The following RNF150 variants were observed in gnomAD, a reference collection of about 807,000 sequenced individuals.
RNF150 encodes the protein ring finger protein 150.
RNF150 carries 24 observed loss-of-function variants against 39.3 expected under a neutral mutation model. The ratio of observed to expected loss-of-function variants is 0.61; its 90% CI spans 0.44 to 0.86. The LOEUF is 0.86. RNF150 is among the 40% of genes least tolerant of loss of function. The pLI is 0.00. For missense variants in RNF150, 502 were observed against 587.8 expected, an observed-to-expected ratio of 0.85 and a Z score of 1.51; for synonymous variants, 255 against 227.3, an observed-to-expected ratio of 1.12 and a Z score of -1.10.
At chr4:141,068,451 G>C (rs1348236108) in intron 1 of RNF150, among the ~76,000 whole-genome samples, 1 of 152,060 alleles carries the variant, frequency 6.6e-6, no homozygotes, top group Non-Finnish European at 1.5e-5. Flanking sequence ...ATGCTGTTTT[G>C]GTTACTGTAG....
At chr4:141,055,376 T>A (rs1198672132) in intron 1 of RNF150, among the ~76,000 whole-genome samples, 2 of 152,204 alleles carry the variant, frequency 1.3e-5, no homozygotes, top group East Asian at 3.8e-4. Context: ...AGCAAAGTGA[T>A]AAAATGATCC....
intron 1 of RNF150, among the ~76,000 whole-genome samples, chr4:141,054,371 T>C (rs557671956): frequency 1.3e-5 from 2 of 152,290 alleles, no homozygotes; most frequent in Admixed American, 6.5e-5. Context: ...CTATTTCCTG[T>C]AGATTAATTC....
chr4:140,916,457 G>A lies in RNF150; in HGVS notation c.988-5103C>T, dbSNP rs530997306. ...AGAAAGGGTATCAGCGATGGAAGACGAAATGAATGAAATGAAGCATGAAGA... is the reference window on the plus strand; with the variant it reads ...AGAAAGGGTATCAGCGATGGAAGACAAAATGAATGAAATGAAGCATGAAGA... On this transcript the variant is annotated intron_variant, in intron 5 of 6. Coordinates refer to ENST00000515673, the MANE Select transcript of RNF150 (RefSeq NM_020724.2). Among the ~76,000 whole-genome samples, 443 of 152,278 alleles carry A rather than the reference G, an allele frequency of 2.9e-3. 1 individual carries two copies. The highest frequency in any genetic ancestry group is 0.01 in the Middle Eastern group (3 of 294).
intron 1 of RNF150, among the ~76,000 whole-genome samples, chr4:141,189,262 C>T (rs1728065105): frequency 6.6e-6 from 1 of 152,178 alleles, no homozygotes; most frequent in Non-Finnish European, 1.5e-5. Flanking sequence ...CTGCTTCTTC[C>T]TCTGGAAGCT....
At chr4:141,065,489 CA>C (rs1170461133) in intron 1 of RNF150, among the ~76,000 whole-genome samples, 6 of 151,986 alleles carry the variant, frequency 3.9e-5, no homozygotes, top group Admixed American at 2.0e-4. Context: ...TGTTCTATAC[CA>C]GGGGTAACTG....
intron 1 of RNF150, among the ~76,000 whole-genome samples, chr4:141,128,312 C>T (rs1310051186): frequency 6.6e-6 from 1 of 152,212 alleles, no homozygotes; most frequent in Non-Finnish European, 1.5e-5. Context: ...ATGGTGTTAT[C>T]CTCCACTTCA....
intron 1 of RNF150, among the ~76,000 whole-genome samples, chr4:141,070,067 T>C (rs1336120293): frequency 6.6e-6 from 1 of 152,158 alleles, no homozygotes; most frequent in East Asian, 1.9e-4. Context: ...CCTTCAGTTC[T>C]GCTCTGCCAC....
At chr4:141,129,174 C>T (rs898688773) in intron 1 of RNF150, among the ~76,000 whole-genome samples, 1 of 152,146 alleles carries the variant, frequency 6.6e-6, no homozygotes, top group Non-Finnish European at 1.5e-5. Flanking sequence ...GTTCATAGCA[C>T]TATTTTTCAT....
At chr4:141,057,638 C>T (rs1397668961) in intron 1 of RNF150, among the ~76,000 whole-genome samples, 1 of 152,134 alleles carries the variant, frequency 6.6e-6, no homozygotes, top group Non-Finnish European at 1.5e-5. Flanking sequence ...GTGAGAAATA[C>T]ATACCCTACT....
intron 1 of RNF150, among the ~76,000 whole-genome samples, chr4:140,994,286 TAA>T (rs1734288059): frequency 6.6e-6 from 1 of 152,130 alleles, no homozygotes; most frequent in Non-Finnish European, 1.5e-5. Context: ...CTCTCCACAT[TAA>T]AAGTTACTAG....
chr4:141,031,430 T>G (rs940799037), intron 1 of RNF150, among the ~76,000 whole-genome samples: 5 of 151,964 alleles, frequency 3.3e-5, no homozygotes, highest in Admixed American at 1.3e-4. Flanking sequence ...AAAAAGCTTC[T>G]GTACAGCAAA....
intron 6 of RNF150, among the ~76,000 whole-genome samples, chr4:140,882,063 A>G: frequency 6.6e-6 from 1 of 151,856 alleles, no homozygotes; most frequent in East Asian, 1.9e-4. Flanking sequence ...TCTGTCGCCC[A>G]GGCTGGAGTG....
At chr4:140,892,357 T>A (rs1729782895) in intron 6 of RNF150, among the ~76,000 whole-genome samples, 1 of 152,226 alleles carries the variant, frequency 6.6e-6, no homozygotes, top group South Asian at 2.1e-4. Context: ...AAGCATCTGA[T>A]GGCTAAAATT....
At chr4:141,046,065 G>C (rs866326180) in intron 1 of RNF150, among the ~76,000 whole-genome samples, 1 of 152,028 alleles carries the variant, frequency 6.6e-6, no homozygotes, top group Non-Finnish European at 1.5e-5. Flanking sequence ...CCATAGAGAA[G>C]AGCCTAAATT....
chr4:141,061,491 T>G (rs1186715523), intron 1 of RNF150, among the ~76,000 whole-genome samples: 1 of 152,220 alleles, frequency 6.6e-6, no homozygotes, highest in Non-Finnish European at 1.5e-5. Flanking sequence ...TATGCACTAT[T>G]TAACCCAGTA....
intron 1 of RNF150, among the ~76,000 whole-genome samples, chr4:141,098,378 T>C (rs1343422205): frequency 1.3e-5 from 2 of 152,238 alleles, no homozygotes; most frequent in East Asian, 1.9e-4. Flanking sequence ...GGGACAGTCC[T>C]GGCACACAAG....
chr4:141,140,169 G>A (rs1209918697), intron 1 of RNF150, among the ~76,000 whole-genome samples: 1 of 152,156 alleles, frequency 6.6e-6, no homozygotes, highest in East Asian at 1.9e-4. Flanking sequence ...CGTTTTTTTA[G>A]AGAGTATGCA....
rs545341262 is a variant in RNF150, at chr4:141,192,167, C to T, written c.-6+20627G>A. On this transcript the variant is annotated intron_variant, in intron 1 of 7. Coordinates refer to the RNF150 transcript ENST00000420921. ...TAACTTCCTTCAGCCTATTGCCTTA[C>T]TGCAAAAAGCCCTCTTTTGAACATG... Among the ~76,000 whole-genome samples the T allele has an allele frequency of 5.9e-5, 9 of 152,280 alleles. No homozygotes were observed. In the South Asian group the frequency reaches 1.7e-3, roughly 28 times the overall value.
chr4:141,079,318 T>C (rs142010685), intron 1 of RNF150, among the ~76,000 whole-genome samples: 1,656 of 152,300 alleles, frequency 0.011, 36 homozygotes, highest in African/African-American at 0.038. Flanking sequence ...TTCTGAACAA[T>C]AGTAGGCCAT....
Sources: allele counts gnomAD v4.1 joint callset (sites outside exome capture counted in the v4.1 genomes callset), GRCh38; gene constraint gnomAD v4.1.1; transcripts MANE v1.5; gene names NCBI Gene and HGNC (gene_info 2026-07-23, HGNC 2026-07-21).